The following IL15 variants were observed in gnomAD, a reference collection of about 807,000 sequenced individuals.
The protein encoded by IL15 is interleukin 15, also known as interleukin-15.
A neutral mutation model predicts 19.6 loss-of-function variants in IL15; 11 were observed. The ratio of observed to expected loss-of-function variants is 0.56; its 90% CI spans 0.35 to 0.93. IL15 has a LOEUF of 0.93. Ranked by LOEUF, IL15 falls within the 40% of genes least tolerant of loss-of-function variation. The probability of loss-of-function intolerance (pLI) is 0.01; values close to 1 mark genes in which losing one functional copy is unlikely to be tolerated. For synonymous variants in IL15, 58 were observed against 59.6 expected (o/e 0.97, Z 0.12); for missense variants, 197 against 186.5 (o/e 1.06, Z -0.33).
chr4:141,688,817 T>A (rs1728794385), intron 2 of IL15: 1 of 155,136 alleles, frequency 6.4e-6, no homozygotes, highest in African/African-American at 2.4e-5. Flanking sequence ...CTGTCTTGTT[T>A]ACAGTTTCAA....
intron 2 of IL15, chr4:141,715,522 T>C (rs774920416): frequency 2.0e-5 from 3 of 152,204 alleles, no homozygotes; most frequent in Non-Finnish European, 4.4e-5. Context: ...TAATAACTTA[T>C]TTGTGCATTT....
intron 2 of IL15, among the ~76,000 whole-genome samples, chr4:141,694,737 C>A (rs1290421601): frequency 3.9e-5 from 6 of 152,146 alleles, no homozygotes; most frequent in Non-Finnish European, 7.4e-5. Flanking sequence ...ATACAGCCCC[C>A]TTCTCAACAT....
chr4:141,721,619 C>T, intron 4 of IL15: 1 of 529,266 alleles, frequency 1.9e-6, no homozygotes, highest in South Asian at 1.7e-5. Context: ...TGAGCATTGC[C>T]ACACATCTGG....
At chr4:141,694,748 C>T (rs1729035900) in intron 2 of IL15, among the ~76,000 whole-genome samples, 1 of 152,156 alleles carries the variant, frequency 6.6e-6, no homozygotes, top group South Asian at 2.1e-4. Flanking sequence ...TTCTCAACAT[C>T]TTGATAAAAT....
intron 2 of IL15, among the ~76,000 whole-genome samples, chr4:141,660,888 C>G (rs985108581): frequency 6.6e-6 from 1 of 152,064 alleles, no homozygotes; most frequent in African/African-American, 2.4e-5. Flanking sequence ...GCTCTTATCC[C>G]AAAAATGATG....
At chr4:141,641,345 T>C (rs1727034989) in intron 1 of IL15, among the ~76,000 whole-genome samples, 1 of 152,116 alleles carries the variant, frequency 6.6e-6, no homozygotes, top group Non-Finnish European at 1.5e-5. Flanking sequence ...AGCATAAAAC[T>C]AAAACATATA....
chr4:141,729,238 T>C (rs1730370622), intron 6 of IL15, among the ~76,000 whole-genome samples: 1 of 152,114 alleles, frequency 6.6e-6, no homozygotes, highest in South Asian at 2.1e-4. Flanking sequence ...AATGGTCAAA[T>C]CCCTAGATAT....
At chr4:141,697,477 T>A (rs1729138156) in intron 2 of IL15, among the ~76,000 whole-genome samples, 1 of 152,136 alleles carries the variant, frequency 6.6e-6, no homozygotes, top group African/African-American at 2.4e-5. Flanking sequence ...TGCTTAGTCT[T>A]GCTTTTGCTA....
chr4:141,675,481 C>T (rs1236521717), intron 2 of IL15, among the ~76,000 whole-genome samples: 2 of 152,152 alleles, frequency 1.3e-5, no homozygotes, highest in African/African-American at 2.4e-5. Flanking sequence ...TGCTAATCAA[C>T]CTGTGTGAGC....
intron 1 of IL15, among the ~76,000 whole-genome samples, chr4:141,643,680 G>A (rs1330627891): frequency 2.0e-5 from 3 of 151,924 alleles, no homozygotes; most frequent in Non-Finnish European, 4.4e-5. Context: ...TCCCTAACAT[G>A]TAAATATAGC....
intron 7 of IL15, among the ~76,000 whole-genome samples, chr4:141,730,924 C>T (rs1730431002): frequency 6.6e-6 from 1 of 152,140 alleles, no homozygotes; most frequent in South Asian, 2.1e-4. Flanking sequence ...ACCAAGCACT[C>T]AGCAAATGAG....
At chr4:141,718,482 A>G (rs2152188938) in intron 2 of IL15, 1 of 152,310 alleles carries the variant, frequency 6.6e-6, no homozygotes, top group East Asian at 1.9e-4. Flanking sequence ...AGTGATTTAG[A>G]TCATATGTAA....
chr4:141,672,297 ATC>A (rs1156375257), intron 2 of IL15, among the ~76,000 whole-genome samples: 1 of 152,190 alleles, frequency 6.6e-6, no homozygotes, highest in African/African-American at 2.4e-5. Context: ...ACTGCTTAAT[ATC>A]TGTCACTTTT....
chr4:141,663,290 G>C (rs1727852701), intron 2 of IL15, among the ~76,000 whole-genome samples: 2 of 152,018 alleles, frequency 1.3e-5, no homozygotes, highest in Admixed American at 1.3e-4. Context: ...TATGCTATAG[G>C]GGCAGAAATT....
chr4:141,665,504 C>T (rs893658560), intron 2 of IL15, among the ~76,000 whole-genome samples: 3 of 152,028 alleles, frequency 2.0e-5, no homozygotes, highest in Non-Finnish European at 2.9e-5. Context: ...GATGAACTTA[C>T]GGATCATAGT....
intron 2 of IL15, among the ~76,000 whole-genome samples, chr4:141,662,424 C>T (rs928126465): frequency 6.6e-6 from 1 of 152,184 alleles, no homozygotes; most frequent in Non-Finnish European, 1.5e-5. Context: ...GAAATGCACA[C>T]CATCATCTTT....
rs1013881561 is a variant in IL15 at position 141,656,331 on chromosome 4, A to G, written c.-100+24A>G. 11 of 397,988 alleles carry G rather than the reference A, an allele frequency of 2.8e-5. No individual in the cohort carries two copies. The Middle Eastern group carries it at 3.7e-3, about 135-fold the overall frequency. 24.7% of individuals were successfully genotyped at this position (397,988 alleles called of 1,614,324 possible). A position where few individuals can be genotyped will look rare whatever the true frequency, so the allele number is the denominator to read the frequency against. On this transcript the variant is annotated intron_variant, in intron 2 of 7. Coordinates refer to ENST00000320650, the MANE Select transcript of IL15 (RefSeq NM_000585.5). ...GTGTAAGTAAAGTTTTAAAAGTTTT[A>G]TCATGCAATACAGATACTTTTATAT...
chr4:141,689,196 A>C (rs914715146), intron 2 of IL15, among the ~76,000 whole-genome samples: 2 of 152,140 alleles, frequency 1.3e-5, no homozygotes, highest in Non-Finnish European at 2.9e-5. Flanking sequence ...TAACAAGATT[A>C]ATTGCAAAGA....
intron 2 of IL15, among the ~76,000 whole-genome samples, chr4:141,713,751 G>A (rs1440606955): frequency 2.0e-5 from 3 of 152,160 alleles, no homozygotes; most frequent in South Asian, 2.1e-4. Context: ...TATGATTCAC[G>A]TAACACTACC....
Sources: gnomAD v4.1 joint callset for allele counts (sites outside exome capture counted in the v4.1 genomes callset) on GRCh38, gnomAD v4.1.1 for gene constraint, MANE v1.5 for transcripts, NCBI Gene and HGNC (gene_info 2026-07-23, HGNC 2026-07-21) for gene names.